The following SFSWAP variants were observed in gnomAD, a reference collection of about 807,000 sequenced individuals.
The protein encoded by SFSWAP is splicing factor SWAP.
SFSWAP carries 17 observed loss-of-function variants against 100.7 expected under a neutral mutation model. The observed-to-expected ratio is 0.17, with a 90% CI of 0.12 to 0.25. SFSWAP has a LOEUF of 0.25. Among genes scored for constraint, SFSWAP ranks in the 10% least tolerant of loss-of-function variants. The pLI, the probability that SFSWAP is intolerant of heterozygous loss-of-function variation, is 1.00. For missense variants in SFSWAP, 1,005 were observed against 1,262.6 expected, an observed-to-expected ratio of 0.80 and a Z score of 3.09; for synonymous variants, 504 against 510.1, an observed-to-expected ratio of 0.99 and a Z score of 0.16.
At chr12:131,764,824 C>T in intron 12 of SFSWAP, 138 bp downstream of exon 12, 2 of 650,804 alleles carry the variant, frequency 3.1e-6, no homozygotes, top group Non-Finnish European at 5.4e-6. Context: ...AGTTGTGTAA[C>T]ATGTCTGAGG....
Position 131,778,474 on chromosome 12 carries a change from C to T in SFSWAP, c.2408+144C>T. On this transcript the variant is annotated intron_variant, in intron 14 of 17. Transcript: ENST00000261674. The surrounding 1 kb of genome is among the most constrained non-coding windows in gnomAD (Gnocchi z 4.2). The stretch of plus-strand genomic sequence containing the variant: ...TGTATGCATGTGCATGTGTGCCCTG[C>T]AAGTCCAAGTAAGATCTTTTTCAGA... 1 of 1,274,020 alleles carries T rather than the reference C, an allele frequency of 7.8e-7. No homozygotes were observed. Among genetic ancestry groups the T allele is most frequent in the Non-Finnish European group, 1.1e-6 (1 of 937,676 alleles). 78.9% of individuals were successfully genotyped at this position (1,274,020 alleles called of 1,614,324 possible). A position where few individuals can be genotyped will look rare whatever the true frequency, so the allele number is the denominator to read the frequency against.
chr12:131,750,483 C>T (rs541983792), intron 7 of SFSWAP, among the ~76,000 whole-genome samples: 16 of 152,194 alleles, frequency 1.1e-4, no homozygotes, highest in Admixed American at 2.0e-4. Flanking sequence ...AGCAGACCGC[C>T]TCACAGAGGC....
intron 7 of SFSWAP, among the ~76,000 whole-genome samples, chr12:131,745,786 G>A (rs1248724971): frequency 6.7e-6 from 1 of 149,168 alleles, no homozygotes; most frequent in Admixed American, 6.7e-5. Context: ...AAAAAAGGTA[G>A]TATTGTAGAA....
At position 131,756,928 on chromosome 12, in the gene SFSWAP, A is replaced by G. The variant is rs148621836; in HGVS notation, c.1720+284A>G. 7 of 316,332 alleles carry G rather than the reference A, an allele frequency of 2.2e-5. No individual in the cohort carries two copies. In the East Asian group the frequency reaches 4.0e-4, roughly 18 times the overall value. 19.6% of individuals were successfully genotyped at this position (316,332 alleles called of 1,614,324 possible). On this transcript the variant is annotated intron_variant, in intron 11 of 17. Coordinates refer to ENST00000261674, the MANE Select transcript of SFSWAP (RefSeq NM_004592.4). ...CAGAAAGTTTCAAATAATCCTTTGT[A>G]CTCCCTGGGACTTCTGAAACTATTT...
intron 15 of SFSWAP, among the ~76,000 whole-genome samples, chr12:131,793,647 A>G (rs4964997): frequency 0.19 from 28,428 of 152,084 alleles, 5,413 homozygotes; most frequent in African/African-American, 0.49. Context: ...CTCAAAAGGC[A>G]CAGTTAAGAA....
In SFSWAP at chr12:131,711,492, G is replaced by T; in HGVS notation, c.218+45G>T. The T allele has an allele frequency of 6.7e-7, 1 of 1,486,738 alleles. No individual in the cohort carries two copies. The highest frequency in any genetic ancestry group is 9.3e-7 in the Non-Finnish European group (1 of 1,070,120). The allele number at this position is 1,486,738 out of a possible 1,614,324, so 92.1% of individuals were successfully genotyped here. Reference sequence around the variant, plus strand: ...CGTCGATCCTTCCCTTCCCTCACCCGCTTGATCTCGTCTGATGTTGACTTG... The same window carrying T: ...CGTCGATCCTTCCCTTCCCTCACCCTCTTGATCTCGTCTGATGTTGACTTG... On this transcript the variant is annotated intron_variant, in intron 1 of 17. Coordinates refer to ENST00000261674, the MANE Select transcript of SFSWAP (RefSeq NM_004592.4). This position sits in a 1 kb window ranked among gnomAD's most constrained non-coding sequence, Gnocchi z 4.9.
At chr12:131,762,977 C>T (rs1332361044) in intron 11 of SFSWAP, among the ~76,000 whole-genome samples, 2 of 152,172 alleles carry the variant, frequency 1.3e-5, no homozygotes, top group African/African-American at 2.4e-5. Context: ...GCCCCACACA[C>T]GTGCTCATCA....
intron 15 of SFSWAP, among the ~76,000 whole-genome samples, chr12:131,792,849 A>G (rs927772507): frequency 1.1e-4 from 16 of 152,242 alleles, no homozygotes; most frequent in Admixed American, 9.2e-4. Flanking sequence ...TTGGCACACA[A>G]ACTCCAAAGC....
intron 15 of SFSWAP, among the ~76,000 whole-genome samples, chr12:131,789,091 C>T (rs560569440): frequency 5.2e-4 from 79 of 152,304 alleles, no homozygotes; most frequent in Admixed American, 1.3e-3. Flanking sequence ...ACTCGTCCTC[C>T]CACCTCAGCC....
chr12:131,748,864 C>T (rs970009984), intron 7 of SFSWAP, among the ~76,000 whole-genome samples: 8 of 152,184 alleles, frequency 5.3e-5, no homozygotes, highest in Admixed American at 3.3e-4. Context: ...AGTAGGCTTT[C>T]GTAGTACTCA....
At chr12:131,756,742 C>T in intron 11 of SFSWAP, 98 bp downstream of exon 11, 1 of 1,155,852 alleles carries the variant, frequency 8.7e-7, no homozygotes, top group African/African-American at 1.6e-5. Context: ...CACCTGCAGG[C>T]TGGGGTGGGG....
intron 14 of SFSWAP, 122 bp from the exon 15 acceptor site, chr12:131,786,341 C>T: frequency 8.0e-7 from 1 of 1,247,410 alleles, no homozygotes. Flanking sequence ...AGGGTCTACA[C>T]AGGCACCACC....
At chr12:131,764,707 C>G (rs1040405977) in intron 12 of SFSWAP, 21 bp downstream of exon 12, 1 of 1,533,458 alleles carries the variant, frequency 6.5e-7, no homozygotes, top group Non-Finnish European at 9.0e-7. Flanking sequence ...AGCTTTTAAA[C>G]TTCTTGAAAG....
intron 7 of SFSWAP, among the ~76,000 whole-genome samples, chr12:131,752,639 G>C (rs1016231411): frequency 6.6e-6 from 1 of 152,218 alleles, no homozygotes; most frequent in Non-Finnish European, 1.5e-5. Context: ...GATGGTTTCC[G>C]GATTAACGTG....
chr12:131,741,961 G>C (rs1880686587), intron 7 of SFSWAP, among the ~76,000 whole-genome samples: 1 of 152,158 alleles, frequency 6.6e-6, no homozygotes. Flanking sequence ...GCAAGCCTGT[G>C]TGTTCTTGGT....
At chr12:131,736,172 A>G (rs922985947) in intron 7 of SFSWAP, among the ~76,000 whole-genome samples, 1 of 152,168 alleles carries the variant, frequency 6.6e-6, no homozygotes, top group African/African-American at 2.4e-5. Flanking sequence ...AAACAGATCC[A>G]AATAAAAATA....
intron 7 of SFSWAP, among the ~76,000 whole-genome samples, chr12:131,732,356 T>C (rs939094146): frequency 6.6e-6 from 1 of 152,242 alleles, no homozygotes; most frequent in Non-Finnish European, 1.5e-5. Context: ...TCTCCCGAAG[T>C]TCCTTCTCAG....
Position 131,726,507 on chromosome 12 carries a change from G to T in SFSWAP, c.833-433G>T, listed in dbSNP as rs1878996588. 2.6e-5 allele frequency among the ~76,000 whole-genome samples: 4 copies of T among 152,150 alleles called. No individual in the cohort carries two copies. In the South Asian group the frequency reaches 8.3e-4, roughly 32 times the overall value. On this transcript the variant is annotated intron_variant, in intron 5 of 17. Transcript: ENST00000261674. ...TTACAGGCGTGAGCCACTGTGCCCG[G>T]CCCTTCCACTGAATTCTGTTCTCTT...
intron 7 of SFSWAP, among the ~76,000 whole-genome samples, chr12:131,748,369 A>C (rs1245230467): frequency 1.3e-5 from 2 of 152,148 alleles, no homozygotes; most frequent in East Asian, 3.9e-4. Context: ...CATGTTGGCC[A>C]GGCTGGTCTG....
Sources: gnomAD v4.1 joint callset for allele counts (sites outside exome capture counted in the v4.1 genomes callset) on GRCh38, gnomAD v4.1.1 for gene constraint, Gnocchi (gnomAD v3.1) non-coding constraint, MANE v1.5 for transcripts, NCBI Gene and HGNC (gene_info 2026-07-23, HGNC 2026-07-21) for gene names.